Variants in RBFOX1 observed in about 807,000 individuals in gnomAD.
The protein encoded by RBFOX1 is RNA binding fox-1 homolog 1, also known as RNA binding protein fox-1 homolog 1.
Under a neutral mutation model 57.7 loss-of-function variants are expected in RBFOX1, and 8 were observed. The observed-to-expected ratio is 0.14, with a 90% confidence interval of 0.08 to 0.25. The LOEUF is 0.25. Among genes scored for constraint, RBFOX1 ranks in the 10% least tolerant of loss-of-function variants. The probability of loss-of-function intolerance (pLI) is 1.00; values close to 1 mark genes in which losing one functional copy is unlikely to be tolerated. For missense variants in RBFOX1, 611 were observed against 548.5 expected (o/e 1.11, Z -1.14); for synonymous variants, 326 against 222.4 (o/e 1.47, Z -4.15).
At chr16:7,708,061 C>G (rs1284968228) in intron 14 of RBFOX1, among the ~76,000 whole-genome samples, 1 of 152,174 alleles carries the variant, frequency 6.6e-6, no homozygotes. Context: ...AAGTATCAGG[C>G]TGAGTGCAGT....
chr16:5,975,769 G>T (rs1289066266), intron 4 of RBFOX1, among the ~76,000 whole-genome samples: 1 of 152,166 alleles, frequency 6.6e-6, no homozygotes, highest in African/African-American at 2.4e-5. Flanking sequence ...TGCTGCTTTG[G>T]GTAGAGCAGT....
At chr16:6,613,220 G>T (rs893321072) in intron 2 of RBFOX1, among the ~76,000 whole-genome samples, 1 of 152,040 alleles carries the variant, frequency 6.6e-6, no homozygotes. Flanking sequence ...CTCCCCCACT[G>T]TGCACTTCCC....
chr16:7,607,163 C>T (rs147602293), intron 9 of RBFOX1, 122 bp from the exon 10 acceptor site: 6 of 823,724 alleles, frequency 7.3e-6, no homozygotes, highest in African/African-American at 1.8e-5. Context: ...CCAAACGACA[C>T]CTCCTTTACA....
intron 9 of RBFOX1, among the ~76,000 whole-genome samples, chr16:7,600,787 T>G (rs895221568): frequency 6.6e-6 from 1 of 152,196 alleles, no homozygotes; most frequent in Non-Finnish European, 1.5e-5. Context: ...CTAAATGTGA[T>G]GAGATACCTG....
intron 3 of RBFOX1, among the ~76,000 whole-genome samples, chr16:6,896,858 TG>T (rs1460242430): frequency 1.3e-5 from 2 of 152,044 alleles, no homozygotes; most frequent in African/African-American, 2.4e-5. Flanking sequence ...TAAAAATCAG[TG>T]GAAGAGTGGT....
chr16:5,857,842 G>A (rs1177113108), intron 3 of RBFOX1, among the ~76,000 whole-genome samples: 2 of 152,100 alleles, frequency 1.3e-5, no homozygotes, highest in Non-Finnish European at 2.9e-5. Flanking sequence ...GTTAACTGGG[G>A]AGGCTGAGGT....
intron 4 of RBFOX1, among the ~76,000 whole-genome samples, chr16:7,176,699 G>C (rs140986307): frequency 3.3e-3 from 498 of 152,228 alleles, no homozygotes; most frequent in African/African-American, 0.012. Context: ...TCTAGGTATT[G>C]AGAATGAAAC....
intron 3 of RBFOX1, among the ~76,000 whole-genome samples, chr16:6,864,112 A>T (rs1344030730): frequency 6.6e-6 from 1 of 152,036 alleles, no homozygotes; most frequent in East Asian, 1.9e-4. Flanking sequence ...CAAAGAAGAA[A>T]GCGAAGGAGT....
chr16:6,819,979 C>G (rs1018676324), intron 3 of RBFOX1, among the ~76,000 whole-genome samples: 4 of 152,086 alleles, frequency 2.6e-5, no homozygotes, highest in African/African-American at 9.7e-5. Flanking sequence ...TGTGTCCCCA[C>G]CCAAATCACA....
At chr16:6,699,510 T>C (rs1350371665) in intron 3 of RBFOX1, among the ~76,000 whole-genome samples, 3 of 152,184 alleles carry the variant, frequency 2.0e-5, no homozygotes, top group African/African-American at 7.2e-5. Flanking sequence ...ATATAATGTG[T>C]CCAGTGACCT....
intron 3 of RBFOX1, among the ~76,000 whole-genome samples, chr16:5,768,557 C>G (rs1193620735): frequency 6.6e-6 from 1 of 152,100 alleles, no homozygotes; most frequent in South Asian, 2.1e-4. Flanking sequence ...CATGACATAC[C>G]AGCGTGGATC....
intron 2 of RBFOX1, among the ~76,000 whole-genome samples, chr16:6,411,676 G>C (rs1178601958): frequency 3.3e-5 from 5 of 152,198 alleles, no homozygotes; most frequent in Admixed American, 1.3e-4. Context: ...TCTCCATTCT[G>C]TTACCTTGGA....
chr16:7,070,814 G>C (rs550744110), intron 4 of RBFOX1, among the ~76,000 whole-genome samples: 1 of 152,194 alleles, frequency 6.6e-6, no homozygotes, highest in Non-Finnish European at 1.5e-5. Flanking sequence ...AGGTGGTGCG[G>C]ATTGGGAAAC....
At chr16:7,464,655 C>G (rs937460802) in intron 4 of RBFOX1, among the ~76,000 whole-genome samples, 1 of 151,516 alleles carries the variant, frequency 6.6e-6, no homozygotes, top group African/African-American at 2.4e-5. Flanking sequence ...TGGATCCCCC[C>G]TCCCCGCCCG....
At chr16:5,707,781 A>T (rs372470668) in intron 3 of RBFOX1, among the ~76,000 whole-genome samples, 1 of 152,204 alleles carries the variant, frequency 6.6e-6, no homozygotes. Context: ...TGTAAAGGAC[A>T]TGGTGGAATA....
intron 4 of RBFOX1, among the ~76,000 whole-genome samples, chr16:7,221,654 A>C (rs2092741417): frequency 1.3e-5 from 2 of 152,222 alleles, no homozygotes; most frequent in Admixed American, 1.3e-4. Context: ...GGCGTGAGCC[A>C]CTGCACCTGC....
At chr16:7,273,076 A>T (rs5014746) in intron 4 of RBFOX1, among the ~76,000 whole-genome samples, 32,237 of 67,008 alleles carry the variant, frequency 0.48, 8,574 homozygotes, top group African/African-American at 0.72. Flanking sequence ...CCCTCCTTCC[A>T]TCCTTCCGCT....
At chr16:6,591,545 C>G (rs969721544) in intron 2 of RBFOX1, among the ~76,000 whole-genome samples, 1 of 152,154 alleles carries the variant, frequency 6.6e-6, no homozygotes, top group African/African-American at 2.4e-5. Context: ...GCCTGAGTTC[C>G]TGGTAGAGCT....
At chr16:5,706,717 G>T (rs1463928083) in intron 3 of RBFOX1, among the ~76,000 whole-genome samples, 1 of 151,982 alleles carries the variant, frequency 6.6e-6, no homozygotes, top group East Asian at 1.9e-4. Flanking sequence ...AAATGATTTT[G>T]GTATTTTTTT....
Sources: gnomAD v4.1 joint callset for allele counts (sites outside exome capture counted in the v4.1 genomes callset) on GRCh38, gnomAD v4.1.1 for gene constraint, MANE v1.5 for transcripts, NCBI Gene and HGNC (gene_info 2026-07-23, HGNC 2026-07-21) for gene names.